The following NUP98 variants were observed in gnomAD, a reference collection of about 807,000 sequenced individuals.
The protein encoded by NUP98 is nucleoporin 98 and 96 precursor.
A neutral mutation model predicts 191.9 loss-of-function variants in NUP98; 26 were observed. That is an observed-to-expected ratio of 0.14 (90% confidence interval 0.10 to 0.19). The LOEUF (loss-of-function observed/expected upper bound fraction) is 0.19. Ranked by LOEUF, NUP98 falls within the 10% of genes least tolerant of loss-of-function variation. NUP98 has a pLI of 1.00. For missense variants in NUP98, 1,941 were observed against 2,178.8 expected, an observed-to-expected ratio of 0.89 and a Z score of 2.17; for synonymous variants, 808 against 778.4, an observed-to-expected ratio of 1.04 and a Z score of -0.63.
chr11:3,767,336 T>A (rs1028941675), intron 8 of NUP98, among the ~76,000 whole-genome samples: 18 of 152,066 alleles, frequency 1.2e-4, no homozygotes, highest in South Asian at 1.0e-3. Context: ...CTTTTTTTTT[T>A]ATTTTTTTTG....
intron 25 of NUP98, among the ~76,000 whole-genome samples, chr11:3,696,242 C>T (rs2078500838): frequency 6.6e-6 from 1 of 152,024 alleles, no homozygotes; most frequent in Admixed American, 6.6e-5. Flanking sequence ...TGGCTCACAC[C>T]TGTAATCCCA....
intron 1 of NUP98, among the ~76,000 whole-genome samples, chr11:3,797,162 G>A (rs2082680776): frequency 1.3e-5 from 2 of 152,234 alleles, no homozygotes; most frequent in Admixed American, 6.5e-5. Flanking sequence ...GCAGCAACTG[G>A]AGACCTCCAG....
At chr11:3,702,428 G>A in intron 23 of NUP98, 35 bp downstream of exon 23, 1 of 1,563,790 alleles carries the variant, frequency 6.4e-7, no homozygotes, top group Non-Finnish European at 8.7e-7. Context: ...CTATCATGTT[G>A]CCTTTCTCAA....
intron 1 of NUP98, among the ~76,000 whole-genome samples, chr11:3,784,605 A>AAAAAAAAAAAAC (rs1554904743): frequency 2.1e-5 from 3 of 141,928 alleles, no homozygotes; most frequent in Non-Finnish European, 1.6e-5. Context: ...ACAAAAAAAA[A>AAAAAAAAAAAAC]CAAAAAACAT....
At chr11:3,746,294 A>AAAAAAAAAAAAAAACAAAAAAAG (rs144936005) in intron 11 of NUP98, among the ~76,000 whole-genome samples, 1 of 93,086 alleles carries the variant, frequency 1.1e-5, no homozygotes, top group African/African-American at 5.0e-5. Flanking sequence ...AAAAAAAAAA[A>AAAAAAAAAAAAAAACAAAAAAAG]GACAGCTTTG....
At chr11:3,713,035 T>C (rs2079067205) in intron 19 of NUP98, among the ~76,000 whole-genome samples, 1 of 152,222 alleles carries the variant, frequency 6.6e-6, no homozygotes. Context: ...CACAGACATA[T>C]ATTGCCTGTT....
chr11:3,727,001 G>A (rs1026911900), intron 14 of NUP98, among the ~76,000 whole-genome samples: 3 of 152,034 alleles, frequency 2.0e-5, no homozygotes, highest in Non-Finnish European at 2.9e-5. Flanking sequence ...CCTCTCTAGT[G>A]ATCCTCCTGC....
At chr11:3,735,921 C>T (rs1010529692) in intron 12 of NUP98, among the ~76,000 whole-genome samples, 2 of 54,050 alleles carry the variant, frequency 3.7e-5, no homozygotes, top group African/African-American at 1.5e-4. Flanking sequence ...TGTGTTTGTG[C>T]GTGTACACAC....
intron 11 of NUP98, among the ~76,000 whole-genome samples, chr11:3,751,903 C>T (rs751297570): frequency 6.6e-5 from 10 of 151,826 alleles, no homozygotes; most frequent in African/African-American, 1.5e-4. Flanking sequence ...GAAGGCTGGG[C>T]GCGGTGGCTC....
intron 25 of NUP98, among the ~76,000 whole-genome samples, 188 bp from the exon 26 acceptor site, chr11:3,695,794 A>G (rs1304461382): frequency 1.3e-5 from 2 of 152,166 alleles, no homozygotes; most frequent in Non-Finnish European, 2.9e-5. Flanking sequence ...GAAAATTTGC[A>G]AAGTAGTTTA....
chr11:3,738,823 A>G (rs2080173320), intron 12 of NUP98, among the ~76,000 whole-genome samples: 2 of 151,528 alleles, frequency 1.3e-5, no homozygotes, highest in South Asian at 2.1e-4. Flanking sequence ...GAAACCATAC[A>G]TACTAGACTG....
intron 23 of NUP98, 101 bp downstream of exon 23, chr11:3,702,362 C>T: frequency 1.6e-6 from 1 of 608,726 alleles, no homozygotes; most frequent in South Asian, 1.9e-5. Context: ...CTCTCTCTCT[C>T]TCTCTCTAGA....
rs373056120 is a variant in NUP98, at chr11:3,691,445, C to G, written c.4356G>C (p.Ser1452=). The G allele has an allele frequency of 1.9e-6, 3 of 1,613,912 alleles. No individual in the cohort carries two copies. The highest frequency in any genetic ancestry group is 1.3e-5 in the African/African-American group (1 of 74,874). The change falls in exon 28 of 33, where the codon TCG becomes TCC. Residue 1452 remains serine, a synonymous_variant. Transcript: ENST00000324932. ...TCACACAGCCAGAACCCTCCAGATA[C>G]GAAGGAAGTGGGGAGCAGGCATATC... ...SDRYACSPLP[S]YLEGSGCVIA...
At position 3,702,564 on chromosome 11, in the gene NUP98, A is replaced by C. The variant is rs773159821; in HGVS notation, c.3411T>G (p.Ala1137=). Residue 1137 remains alanine (A), a synonymous_variant, in exon 23 of 33, where the codon GCT becomes GCG. Coordinates refer to ENST00000324932, the MANE Select transcript of NUP98 (RefSeq NM_016320.5). ...AGCCATTCAGCTGTTCTCCACTATT[A>C]GCAAGAGTCCAGTTGGGGCCCCAAC... ...RVGWGPNWTL[A]NSGEQLNGSH... is the part of the protein sequence containing the mutation. The C allele has an allele frequency of 6.2e-7, 1 of 1,614,146 alleles. No homozygotes were observed. Among genetic ancestry groups the C allele is most frequent in the Non-Finnish European group, 8.5e-7 (1 of 1,180,026 alleles).
At chr11:3,716,275 G>C (rs925545061) in intron 18 of NUP98, among the ~76,000 whole-genome samples, 8 of 151,664 alleles carry the variant, frequency 5.3e-5, no homozygotes, top group African/African-American at 1.7e-4. Context: ...TCACTCTTTT[G>C]TATGTGGATA....
chr11:3,794,449 T>C (rs1357886257), intron 1 of NUP98, among the ~76,000 whole-genome samples: 2 of 152,008 alleles, frequency 1.3e-5, no homozygotes, highest in East Asian at 1.9e-4. Context: ...GCCTCCCGAG[T>C]AGCTGGGGCA....
chr11:3,702,589 C>G lies in NUP98; in HGVS notation c.3386G>C (p.Gly1129Ala). 6.2e-7 allele frequency: 1 copy of G among 1,614,102 alleles called. No homozygotes were observed. Among genetic ancestry groups the G allele is most frequent in the Non-Finnish European group, 8.5e-7 (1 of 1,180,038 alleles). ...AGCAAGAGTCCAGTTGGGGCCCCAA[C>G]CAACACGAAATGAGCGTCCCATGAA... ...ALFMGRSFRVGWGPNWTLANS... is the reference protein window; with the variant it reads ...ALFMGRSFRVAWGPNWTLANS... Residue 1129 changes from glycine (G) to alanine (A), a missense_variant, in exon 23 of 33, where the codon GGT (glycine) becomes GCT (alanine). Physicochemically the swap from Gly to Ala is moderately conservative, Grantham distance 60. Transcript: ENST00000324932.
chr11:3,781,492 T>TAAAAA (rs34581145), intron 2 of NUP98: 1 of 30,284 alleles, frequency 3.3e-5, no homozygotes, highest in Non-Finnish European at 6.2e-5. Flanking sequence ...TTTCTGGTTT[T>TAAAAA]AAAAAAAAAA....
chr11:3,747,866 G>A (rs1445681756), intron 11 of NUP98, among the ~76,000 whole-genome samples: 1 of 152,216 alleles, frequency 6.6e-6, no homozygotes, highest in African/African-American at 2.4e-5. Context: ...GCAAGTCTCA[G>A]GAAATGTTCC....
Sources: gnomAD v4.1 joint callset for allele counts (sites outside exome capture counted in the v4.1 genomes callset) on GRCh38, gnomAD v4.1.1 for gene constraint, MANE v1.5 for transcripts, NCBI Gene and HGNC (gene_info 2026-07-23, HGNC 2026-07-21) for gene names.